Variants in SMAP1 observed in about 807,000 individuals in gnomAD.
SMAP1 encodes stromal membrane-associated protein 1.
In SMAP1, 24 loss-of-function variants were observed where a neutral mutation model predicts 58.5. The observed-to-expected ratio is 0.41, with a 90% CI of 0.30 to 0.58. SMAP1 has a LOEUF of 0.58. Among genes scored for constraint, SMAP1 ranks in the 20% least tolerant of loss-of-function variants. SMAP1 has a pLI of 0.29. For synonymous variants in SMAP1, 216 were observed against 196.6 expected (o/e 1.10, Z -0.82); for missense variants, 563 against 566.3 (o/e 0.99, Z 0.06).
chr6:70,752,138 G>A (rs892164833), intron 2 of SMAP1, among the ~76,000 whole-genome samples: 3 of 152,152 alleles, frequency 2.0e-5, no homozygotes, highest in African/African-American at 7.2e-5. Flanking sequence ...TATGGATTGG[G>A]AGTGAAGGAA....
At chr6:70,807,248 T>C (rs1769174081) in intron 6 of SMAP1, among the ~76,000 whole-genome samples, 1 of 152,240 alleles carries the variant, frequency 6.6e-6, no homozygotes, top group South Asian at 2.1e-4. Context: ...GTTTACATTT[T>C]TGTAGTGTTC....
At chr6:70,856,528 A>G (rs1289230568) in intron 8 of SMAP1, among the ~76,000 whole-genome samples, 1 of 152,198 alleles carries the variant, frequency 6.6e-6, no homozygotes, top group Non-Finnish European at 1.5e-5. Flanking sequence ...AGTAGTTGCT[A>G]TGGAGTGGTG....
At chr6:70,846,557 C>T (rs570233089) in intron 7 of SMAP1, among the ~76,000 whole-genome samples, 35 of 152,228 alleles carry the variant, frequency 2.3e-4, no homozygotes, top group African/African-American at 4.1e-4. Flanking sequence ...CCTGGATTAG[C>T]GGAACATTTG....
intron 10 of SMAP1, chr6:70,859,110 G>GA: frequency 2.4e-6 from 1 of 422,760 alleles, no homozygotes. Flanking sequence ...GAATAGTCTA[G>GA]AGTGATTTCT....
intron 1 of SMAP1, chr6:70,668,503 G>A (rs1766129247): frequency 3.4e-6 from 5 of 1,478,432 alleles, no homozygotes; most frequent in African/African-American, 1.4e-5. Flanking sequence ...GGGTTAGAGA[G>A]TTGCCCTCCT....
chr6:70,680,433 A>G (rs1766651737), intron 1 of SMAP1, among the ~76,000 whole-genome samples: 1 of 152,224 alleles, frequency 6.6e-6, no homozygotes, highest in Non-Finnish European at 1.5e-5. Context: ...ACCTTTATTC[A>G]GAATATCTAA....
At chr6:70,768,052 T>C in intron 3 of SMAP1, among the ~76,000 whole-genome samples, 1 of 152,020 alleles carries the variant, frequency 6.6e-6, no homozygotes, top group Non-Finnish European at 1.5e-5. Flanking sequence ...CTGGATTACA[T>C]TTATTGATTT....
chr6:70,714,295 T>C (rs1768175138), intron 1 of SMAP1, among the ~76,000 whole-genome samples: 1 of 152,182 alleles, frequency 6.6e-6, no homozygotes, highest in Admixed American at 6.5e-5. Context: ...GTTTGTTTTG[T>C]AGTTGTTTTG....
At chr6:70,733,160 T>G (rs1461546156) in intron 2 of SMAP1, among the ~76,000 whole-genome samples, 1 of 152,238 alleles carries the variant, frequency 6.6e-6, no homozygotes, top group Non-Finnish European at 1.5e-5. Flanking sequence ...GTTACACCAC[T>G]TATTTATGCC....
intron 1 of SMAP1, among the ~76,000 whole-genome samples, chr6:70,713,689 A>G (rs1358574451): frequency 6.6e-6 from 1 of 152,128 alleles, no homozygotes; most frequent in Non-Finnish European, 1.5e-5. Context: ...AAAATATTTT[A>G]TGTACACTTG....
chr6:70,690,182 CTTTTA>C (rs1767099661), intron 1 of SMAP1, among the ~76,000 whole-genome samples: 1 of 152,062 alleles, frequency 6.6e-6, no homozygotes, highest in African/African-American at 2.4e-5. Context: ...TTACAGATAC[CTTTTA>C]TCAAGTTGAG....
At chr6:70,819,731 G>A (rs117318984) in intron 6 of SMAP1, among the ~76,000 whole-genome samples, 2,959 of 152,270 alleles carry the variant, frequency 0.019, 36 homozygotes, top group Middle Eastern at 0.037. Context: ...TGTTGAAGTC[G>A]CATAAGAACA....
At chr6:70,740,770 G>T (rs1308136451) in intron 2 of SMAP1, among the ~76,000 whole-genome samples, 4 of 152,148 alleles carry the variant, frequency 2.6e-5, no homozygotes, top group African/African-American at 9.7e-5. Flanking sequence ...TTTTCACACT[G>T]CTAATAAAGA....
intron 7 of SMAP1, among the ~76,000 whole-genome samples, chr6:70,839,589 A>T (rs1350855024): frequency 6.6e-6 from 1 of 152,206 alleles, no homozygotes; most frequent in Non-Finnish European, 1.5e-5. Context: ...TGTTTGTGAA[A>T]AAAGGTTAAG....
chr6:70,838,316 A>G (rs1470779409), intron 7 of SMAP1, among the ~76,000 whole-genome samples: 1 of 152,118 alleles, frequency 6.6e-6, no homozygotes, highest in Non-Finnish European at 1.5e-5. Flanking sequence ...CCAAATAGCT[A>G]CTGTCTATTG....
chr6:70,850,871 CAA>C lies in SMAP1; in HGVS notation c.665-1667_665-1666del, dbSNP rs200935399. Among the ~76,000 whole-genome samples, 639 of 152,078 alleles carry C rather than the reference CAA, an allele frequency of 4.2e-3. 7 individuals are homozygous for C. Among genetic ancestry groups the C allele is most frequent in the African/African-American group, 0.015 (621 of 41,484 alleles). On this transcript the variant is annotated intron_variant, in intron 7 of 10. Transcript: ENST00000370455. ...ATGGGGTATGGAATGAACTGGAAAACAAAGTAGCGCTTTAAGGAGGTCTAACT... is the reference window on the plus strand; with the variant it reads ...ATGGGGTATGGAATGAACTGGAAAACAGTAGCGCTTTAAGGAGGTCTAACT...
intron 4 of SMAP1, among the ~76,000 whole-genome samples, chr6:70,782,173 G>A (rs1274637870): frequency 6.6e-6 from 1 of 152,134 alleles, no homozygotes; most frequent in Non-Finnish European, 1.5e-5. Flanking sequence ...AAAAGTACTA[G>A]GAGCCAGTGA....
At chr6:70,760,679 A>G (rs186733038) in intron 3 of SMAP1, among the ~76,000 whole-genome samples, 1 of 152,136 alleles carries the variant, frequency 6.6e-6, no homozygotes, top group Non-Finnish European at 1.5e-5. Context: ...TGAAAAGCCT[A>G]ACATTTCTGT....
chr6:70,719,003 CTATTT>C (rs1201795492), intron 1 of SMAP1, among the ~76,000 whole-genome samples: 2 of 151,864 alleles, frequency 1.3e-5, no homozygotes, highest in African/African-American at 2.4e-5. Flanking sequence ...CATTTAAAAA[CTATTT>C]TATAACATAT....
Sources: allele counts gnomAD v4.1 joint callset (sites outside exome capture counted in the v4.1 genomes callset), GRCh38; gene constraint gnomAD v4.1.1; transcripts MANE v1.5; gene names NCBI Gene and HGNC (gene_info 2026-07-23, HGNC 2026-07-21).